TMEM204: variants seen among roughly 807,000 people sequenced by gnomAD.
TMEM204 encodes transmembrane protein 204, also known as claudin-like protein 24.
Under a neutral mutation model 19.4 loss-of-function variants are expected in TMEM204, and 15 were observed. That is an observed-to-expected ratio of 0.77 (90% CI 0.52 to 1.19). The LOEUF (loss-of-function observed/expected upper bound fraction) is 1.19. Ranked by LOEUF, TMEM204 falls within the 50% of genes most tolerant of loss-of-function variation. TMEM204 has a pLI of 0.00. For synonymous variants in TMEM204, 161 were observed against 146.0 expected (o/e 1.10, Z -0.74); for missense variants, 287 against 321.2 (o/e 0.89, Z 0.81).
At chr16:1,546,313 G>C (rs1045717544) in intron 2 of TMEM204, among the ~76,000 whole-genome samples, 1 of 152,198 alleles carries the variant, frequency 6.6e-6, no homozygotes, top group African/African-American at 2.4e-5. Flanking sequence ...CGGTGCCTGA[G>C]GATGCTCCGA....
In TMEM204 at chr16:1,540,829, T is replaced by C. The variant is rs536618765; in HGVS notation, c.281-1092T>C. ...ATCGAATTTCCCAAATATTGTTCAA[T>C]AGAAAACAAGGCATGGCGATGACAG... is the stretch of plus-strand genomic sequence containing the variant. On this transcript the variant is annotated intron_variant, in intron 1 of 2. Coordinates refer to ENST00000566264, the MANE Select transcript of TMEM204 (RefSeq NM_024600.6). The C allele has an allele frequency of 3.5e-5, 34 of 985,384 alleles. No individual in the cohort carries two copies. The East Asian group carries it at 9.1e-4, about 26-fold the overall frequency. 61.0% of individuals were successfully genotyped at this position (985,384 alleles called of 1,614,324 possible). A position where few individuals can be genotyped will look rare whatever the true frequency, so the allele number is the denominator to read the frequency against.
intron 2 of TMEM204, among the ~76,000 whole-genome samples, chr16:1,547,362 G>C (rs2032259626): frequency 6.6e-6 from 1 of 152,110 alleles, no homozygotes; most frequent in African/African-American, 2.4e-5. Flanking sequence ...TGGCATTTAG[G>C]TTTTCCTGGA....
chr16:1,533,906 CGAGT>C lies in TMEM204; in HGVS notation c.-367_-364del, dbSNP rs1278219867. The C allele has an allele frequency of 9.9e-6, 3 of 303,864 alleles. No individual in the cohort carries two copies. The highest frequency in any genetic ancestry group is 1.8e-5 in the Non-Finnish European group (3 of 162,776). The allele number at this position is 303,864 out of a possible 1,614,324, so 18.8% of individuals were successfully genotyped here. A position where few individuals can be genotyped will look rare whatever the true frequency, so the allele number is the denominator to read the frequency against. ...TCGACTCCCACTGCTGCCGGCCTCC[CGAGT>C]GACTCTGTTTTCCACTGCTGCAGGC... On this transcript the variant is annotated 5_prime_UTR_variant, in exon 1 of 3. Coordinates refer to ENST00000566264, the MANE Select transcript of TMEM204 (RefSeq NM_024600.6). This position sits in a 1 kb window ranked among gnomAD's most constrained non-coding sequence, Gnocchi z 4.7.
At chr16:1,546,929 G>C (rs952365351) in intron 2 of TMEM204, among the ~76,000 whole-genome samples, 3 of 152,244 alleles carry the variant, frequency 2.0e-5, no homozygotes, top group Non-Finnish European at 4.4e-5. Flanking sequence ...TCGTGGCCAT[G>C]CAATGGGGTC....
chr16:1,544,741 C>T (rs1042760474), intron 2 of TMEM204, among the ~76,000 whole-genome samples: 10 of 151,982 alleles, frequency 6.6e-5, no homozygotes, highest in African/African-American at 1.2e-4. Flanking sequence ...CTCCGCCTCC[C>T]GGGTTCACGC....
intron 1 of TMEM204, among the ~76,000 whole-genome samples, chr16:1,535,851 T>C (rs2031013094): frequency 6.6e-6 from 1 of 152,214 alleles, no homozygotes; most frequent in Non-Finnish European, 1.5e-5. Context: ...AGCCTATGAA[T>C]AACTTCAAAG....
At chr16:1,537,522 C>A (rs1374264797) in intron 1 of TMEM204, among the ~76,000 whole-genome samples, 1 of 152,240 alleles carries the variant, frequency 6.6e-6, no homozygotes, top group East Asian at 1.9e-4. Flanking sequence ...TTCAGGCCCT[C>A]CCGTGCCCCT....
intron 1 of TMEM204, among the ~76,000 whole-genome samples, chr16:1,540,514 G>A (rs569330132): frequency 7.2e-5 from 11 of 152,206 alleles, no homozygotes; most frequent in Admixed American, 3.3e-4. Flanking sequence ...ATCCCCTCTC[G>A]GCCTCCACCC....
upstream of TMEM204, among the ~76,000 whole-genome samples, chr16:1,529,509 T>G (rs2030211498): frequency 6.6e-6 from 1 of 152,198 alleles, no homozygotes; most frequent in Non-Finnish European, 1.5e-5. Flanking sequence ...AGGCGCAGCG[T>G]CCTGATCTCC....
chr16:1,534,628 G>A (rs1038269526), intron 1 of TMEM204, 73 bp downstream of exon 1: 2 of 1,589,944 alleles, frequency 1.3e-6, no homozygotes, highest in African/African-American at 2.7e-5. Context: ...GTTAGGCGCG[G>A]ACCTGGTGAG....
chr16:1,529,548 G>A (rs1317814370), upstream of TMEM204, among the ~76,000 whole-genome samples: 6 of 152,218 alleles, frequency 3.9e-5, no homozygotes, highest in African/African-American at 1.2e-4. Flanking sequence ...TTTTGGGTTC[G>A]GAACTCTTGC....
intron 2 of TMEM204, 74 bp from the exon 3 acceptor site, chr16:1,554,708 G>A: frequency 6.3e-7 from 1 of 1,581,330 alleles, no homozygotes; most frequent in Non-Finnish European, 8.6e-7. Flanking sequence ...CCTGCTCTAG[G>A]ACAGAGGGCT....
In TMEM204 at chr16:1,553,175, G is replaced by A. The variant is rs1702723607; in HGVS notation, c.437-1607G>A. ...AAACAAGGCTGGTTACCCATCTCTT[G>A]CTCTCTGTCTCTCCTTCCCTGTGTC... On this transcript the variant is annotated intron_variant, in intron 2 of 2. Transcript: ENST00000566264. The surrounding 1 kb of genome is among the most constrained non-coding windows in gnomAD (Gnocchi z 4.4). 2.0e-6 allele frequency: 2 copies of A among 985,048 alleles called. No individual in the cohort carries two copies. The highest frequency in any genetic ancestry group is 2.4e-6 in the Non-Finnish European group (2 of 829,790). The allele number at this position is 985,048 out of a possible 1,614,324, so 61.0% of individuals were successfully genotyped here. A position where few individuals can be genotyped will look rare whatever the true frequency, so the allele number is the denominator to read the frequency against.
At chr16:1,552,636 A>T (rs927885239) in intron 2 of TMEM204, among the ~76,000 whole-genome samples, 3 of 150,698 alleles carry the variant, frequency 2.0e-5, no homozygotes, top group Non-Finnish European at 4.4e-5. Flanking sequence ...AGTATTCATT[A>T]CAAAGAGAAT....
chr16:1,552,956 A>C (rs1041797821), intron 2 of TMEM204: 1 of 984,936 alleles, frequency 1.0e-6, no homozygotes, highest in African/African-American at 1.7e-5. Context: ...CCTTGTCTAG[A>C]ATGTTATTTT....
intron 1 of TMEM204, among the ~76,000 whole-genome samples, chr16:1,537,946 C>T (rs530534593): frequency 3.9e-5 from 6 of 152,360 alleles, no homozygotes; most frequent in African/African-American, 1.4e-4. Context: ...CCGGGCTTCA[C>T]CCCCTGCTCG....
At chr16:1,539,526 T>A (rs2031417578) in intron 1 of TMEM204, among the ~76,000 whole-genome samples, 1 of 152,268 alleles carries the variant, frequency 6.6e-6, no homozygotes, top group Admixed American at 6.5e-5. Flanking sequence ...TTTCCCGCTG[T>A]CCGTACGGGA....
chr16:1,540,222 A>G (rs772986187), intron 1 of TMEM204, among the ~76,000 whole-genome samples: 12 of 152,230 alleles, frequency 7.9e-5, no homozygotes, highest in Non-Finnish European at 1.6e-4. Context: ...TGGGAAGCAG[A>G]TGCCTCGGCT....
At position 1,534,318 on chromosome 16, in the gene TMEM204, C is replaced by T. The variant is rs1173992491; in HGVS notation, c.43C>T (p.Leu15=). 6.2e-7 allele frequency: 1 copy of T among 1,612,602 alleles called. No individual in the cohort carries two copies. Among genetic ancestry groups the T allele is most frequent in the African/African-American group, 1.3e-5 (1 of 74,936 alleles). The change falls in exon 1 of 3, where the codon CTG becomes TTG. Residue 15 remains leucine, a synonymous_variant. Coordinates refer to ENST00000566264, the MANE Select transcript of TMEM204 (RefSeq NM_024600.6). ...CGTGGCCGCGGCCGTGCTGGTGGCC[C>T]TGGTCTCACTCATCCTCAACAACGT... The part of the protein sequence containing the change: ...RLVAAAVLVA[L]VSLILNNVAA...
Sources: allele counts gnomAD v4.1 joint callset (sites outside exome capture counted in the v4.1 genomes callset), GRCh38; gene constraint gnomAD v4.1.1; non-coding constraint Gnocchi (gnomAD v3.1); transcripts MANE v1.5; gene names NCBI Gene and HGNC (gene_info 2026-07-23, HGNC 2026-07-21).